Variants in AGPAT4 observed in about 807,000 individuals in gnomAD.
AGPAT4 encodes the protein 1-acylglycerol-3-phosphate O-acyltransferase 4.
Under a neutral mutation model 48.0 loss-of-function variants are expected in AGPAT4, and 15 were observed. The observed-to-expected ratio is 0.31, with a 90% CI of 0.21 to 0.48. The LOEUF (loss-of-function observed/expected upper bound fraction) is 0.48. Ranked by LOEUF, AGPAT4 falls within the 20% of genes least tolerant of loss-of-function variation. AGPAT4 has a pLI of 0.99. For missense variants in AGPAT4, 314 were observed against 482.5 expected (o/e 0.65, Z 3.27); for synonymous variants, 178 against 198.7 (o/e 0.90, Z 0.88).
chr6:161,157,729 AAAATATTAAG>A (rs2114970342), intron 3 of AGPAT4, among the ~76,000 whole-genome samples: 1 of 152,350 alleles, frequency 6.6e-6, no homozygotes, highest in African/African-American at 2.4e-5. Context: ...GAAACATGTT[AAAATATTAAG>A]GTAGAAGCTT....
rs1311524073 is a variant in AGPAT4, at chr6:161,159,798, C to A, written c.349-5488G>T. The stretch of plus-strand genomic sequence containing the variant: ...AGCTGGGATTACAGGCACCTGCCAC[C>A]GTGCCTGGCTAATTTTTTGTATTGT... On this transcript the variant is annotated intron_variant, in intron 3 of 8. Coordinates refer to ENST00000320285, the MANE Select transcript of AGPAT4 (RefSeq NM_020133.3). This position sits in a 1 kb window ranked among gnomAD's most constrained non-coding sequence, Gnocchi z 4.1. Among the ~76,000 whole-genome samples, 1 of 151,880 alleles carries A rather than the reference C, an allele frequency of 6.6e-6. No individual in the cohort carries two copies. Among genetic ancestry groups the A allele is most frequent in the African/African-American group, 2.4e-5 (1 of 41,332 alleles).
rs1781542122 is a variant in AGPAT4, at chr6:161,212,285, G to A, written c.178+19751C>T. ...GGAACATTAAGTCTCCTCTCTCAAA[G>A]AATGAAGATGTTTGCCTTTTTTGAA... is the stretch of plus-strand genomic sequence containing the variant. On this transcript the variant is annotated intron_variant, in intron 2 of 8. Coordinates refer to ENST00000320285, the MANE Select transcript of AGPAT4 (RefSeq NM_020133.3). The surrounding 1 kb of genome is among the most constrained non-coding windows in gnomAD (Gnocchi z 6.1). 6.6e-6 allele frequency among the ~76,000 whole-genome samples: 1 copy of A among 152,136 alleles called. No homozygotes were observed. The highest frequency in any genetic ancestry group is 2.4e-5 in the African/African-American group (1 of 41,428).
Position 161,240,261 on chromosome 6 carries a change from C to T in AGPAT4, c.-89-7959G>A, listed in dbSNP as rs1782448498. Among the ~76,000 whole-genome samples, 1 of 128,172 alleles carries T rather than the reference C, an allele frequency of 7.8e-6. No individual in the cohort carries two copies. The highest frequency in any genetic ancestry group is 2.9e-5 in the African/African-American group (1 of 34,906). The allele number at this position is 128,172 out of a possible 152,430, so 84.1% of individuals were successfully genotyped here. A position where few individuals can be genotyped will look rare whatever the true frequency, so the allele number is the denominator to read the frequency against. Reference sequence around the variant, plus strand: ...ACACACACACACACACACACACACACACACACTTAAACAAGTCTGTCCACC... The same window carrying T: ...ACACACACACACACACACACACACATACACACTTAAACAAGTCTGTCCACC... On this transcript the variant is annotated intron_variant, in intron 1 of 8. Transcript: ENST00000320285. This position sits in a 1 kb window ranked among gnomAD's most constrained non-coding sequence, Gnocchi z 5.5.
At chr6:161,203,609 G>A (rs1781303265) in intron 2 of AGPAT4, among the ~76,000 whole-genome samples, 1 of 151,864 alleles carries the variant, frequency 6.6e-6, no homozygotes, top group South Asian at 2.1e-4. Context: ...TGTTGACCAG[G>A]CTGGTCTCCA....
intron 2 of AGPAT4, among the ~76,000 whole-genome samples, chr6:161,179,185 T>C (rs1228933986): frequency 1.3e-5 from 2 of 152,216 alleles, no homozygotes; most frequent in African/African-American, 4.8e-5. Flanking sequence ...AGGAAAAAGA[T>C]GGCAACTAAA....
At chr6:161,191,845 C>T (rs1335238434) in intron 2 of AGPAT4, among the ~76,000 whole-genome samples, 1 of 152,152 alleles carries the variant, frequency 6.6e-6, no homozygotes, top group Non-Finnish European at 1.5e-5. Context: ...GCCATTGTTG[C>T]CTCAACAAGC....
Position 161,154,764 on chromosome 6 carries a change from C to T in AGPAT4, c.349-454G>A, listed in dbSNP as rs1002544025. Among the ~76,000 whole-genome samples, 5 of 152,336 alleles carry T rather than the reference C, an allele frequency of 3.3e-5. No individual in the cohort carries two copies. The highest frequency in any genetic ancestry group is 2.6e-4 in the Admixed American group (4 of 15,310). Reference sequence around the variant, plus strand: ...ATTACAAAATATAGTAATTCTTGATCGCTGAAAATGTCAAACGCTAGAAAA... The same window carrying T: ...ATTACAAAATATAGTAATTCTTGATTGCTGAAAATGTCAAACGCTAGAAAA... On this transcript the variant is annotated intron_variant, in intron 3 of 8. Coordinates refer to ENST00000320285, the MANE Select transcript of AGPAT4 (RefSeq NM_020133.3). The surrounding 1 kb of genome is among the most constrained non-coding windows in gnomAD (Gnocchi z 7.8).
chr6:161,194,841 AG>A (rs1218332169), intron 2 of AGPAT4, among the ~76,000 whole-genome samples: 1 of 152,146 alleles, frequency 6.6e-6, no homozygotes, highest in Non-Finnish European at 1.5e-5. Context: ...GTCACATTGC[AG>A]GAGCTCCTTA....
chr6:161,160,991 G>A (rs1285098169), intron 3 of AGPAT4: 1 of 456,528 alleles, frequency 2.2e-6, no homozygotes, highest in Admixed American at 2.3e-5. Context: ...ACAGGCAGAT[G>A]GGGCATCAGA....
In AGPAT4 at chr6:161,216,887, ACAATT is replaced by A. The variant is rs1321596064; in HGVS notation, c.178+15144_178+15148del. ...ACAATACGTGGGAATTCTGGGAGAT[ACAATT>A]CAAGTTGAGATTTCGGTGGGGACAC... is the stretch of plus-strand genomic sequence containing the variant. On this transcript the variant is annotated intron_variant, in intron 2 of 8. Coordinates refer to ENST00000320285, the MANE Select transcript of AGPAT4 (RefSeq NM_020133.3). This position sits in a 1 kb window ranked among gnomAD's most constrained non-coding sequence, Gnocchi z 4.8. 6.6e-6 allele frequency among the ~76,000 whole-genome samples: 1 copy of A among 152,188 alleles called. No homozygotes were observed. Among genetic ancestry groups the A allele is most frequent in the Admixed American group, 6.5e-5 (1 of 15,278 alleles).
At position 161,144,168 on chromosome 6, in the gene AGPAT4, C is replaced by A. The variant is rs753888265; in HGVS notation, c.843+2356G>T. The A allele has an allele frequency of 1.9e-6, 1 of 533,358 alleles. No homozygotes were observed. Among genetic ancestry groups the A allele is most frequent in the South Asian group, 1.4e-5 (1 of 71,548 alleles). 33.0% of individuals were successfully genotyped at this position (533,358 alleles called of 1,614,324 possible). Reference sequence around the variant, plus strand: ...GCTTGGAGAAACCATGCACCACTTCCACTTGCTGCTCAGCGATCTTCTCGG... The same window carrying A: ...GCTTGGAGAAACCATGCACCACTTCAACTTGCTGCTCAGCGATCTTCTCGG... On this transcript the variant is annotated intron_variant, in intron 7 of 8. Coordinates refer to ENST00000320285, the MANE Select transcript of AGPAT4 (RefSeq NM_020133.3). The surrounding 1 kb of genome is among the most constrained non-coding windows in gnomAD (Gnocchi z 6.6).
At chr6:161,263,585 TG>T (rs1783166954) in intron 1 of AGPAT4, among the ~76,000 whole-genome samples, 1 of 152,086 alleles carries the variant, frequency 6.6e-6, no homozygotes, top group Admixed American at 6.5e-5. Flanking sequence ...TGGCAAAAAT[TG>T]GAATGAATAT....
At chr6:161,188,380 G>A (rs1389255812) in intron 2 of AGPAT4, among the ~76,000 whole-genome samples, 1 of 152,164 alleles carries the variant, frequency 6.6e-6, no homozygotes, top group Non-Finnish European at 1.5e-5. Flanking sequence ...TATCAGACTT[G>A]TGATAAATTA....
rs980500193 is a variant in AGPAT4 at position 161,216,792 on chromosome 6, T to A, written c.178+15244A>T. ...ATAAACCCATCAGATCTCGTGAGAC[T>A]TACTATCACGAGACTAGCACGAGAA... is the stretch of plus-strand genomic sequence containing the variant. On this transcript the variant is annotated intron_variant, in intron 2 of 8. Coordinates refer to ENST00000320285, the MANE Select transcript of AGPAT4 (RefSeq NM_020133.3). This position sits in a 1 kb window ranked among gnomAD's most constrained non-coding sequence, Gnocchi z 4.8. Among the ~76,000 whole-genome samples, 1 of 152,108 alleles carries A rather than the reference T, an allele frequency of 6.6e-6. No individual in the cohort carries two copies. The highest frequency in any genetic ancestry group is 2.4e-5 in the African/African-American group (1 of 41,418).
chr6:161,180,576 T>C lies in AGPAT4; in HGVS notation c.179-14159A>G, dbSNP rs1451569782. Among the ~76,000 whole-genome samples the C allele has an allele frequency of 6.6e-6, 1 of 152,248 alleles. No homozygotes were observed. Among genetic ancestry groups the C allele is most frequent in the Non-Finnish European group, 1.5e-5 (1 of 68,046 alleles). On this transcript the variant is annotated intron_variant, in intron 2 of 8. Coordinates refer to ENST00000320285, the MANE Select transcript of AGPAT4 (RefSeq NM_020133.3). This position sits in a 1 kb window ranked among gnomAD's most constrained non-coding sequence, Gnocchi z 6.4. ...AATATGTATAATTATACATTTATAA[T>C]AACCTTTTATCATTTAGCTTTTAAC...
At position 161,219,917 on chromosome 6, in the gene AGPAT4, G is replaced by GGCAA. The variant is rs1418006841; in HGVS notation, c.178+12118_178+12119insTTGC. Among the ~76,000 whole-genome samples, 7 of 23,764 alleles carry GGCAA rather than the reference G, an allele frequency of 2.9e-4. No homozygotes were observed. The highest frequency in any genetic ancestry group is 6.5e-4 in the African/African-American group (7 of 10,758). 15.6% of individuals were successfully genotyped at this position (23,764 alleles called of 152,430 possible). ...CAGGCAGGCAGGCAGGCAGGCAGGC[G>GGCAA]GCAGGCAGGCAGGCAGGCAGGCAGG... On this transcript the variant is annotated intron_variant, in intron 2 of 8. Transcript: ENST00000320285. The surrounding 1 kb of genome is among the most constrained non-coding windows in gnomAD (Gnocchi z 4.9).
intron 5 of AGPAT4, among the ~76,000 whole-genome samples, chr6:161,151,512 G>C (rs901660668): frequency 3.9e-5 from 6 of 152,232 alleles, no homozygotes; most frequent in African/African-American, 1.4e-4. Flanking sequence ...TGCAAGCTGG[G>C]CAACCCCACC....
chr6:161,130,492 G>A lies in AGPAT4; in HGVS notation c.*6048C>T. 1 of 162,156 alleles carries A rather than the reference G, an allele frequency of 6.2e-6. No individual in the cohort carries two copies. Among genetic ancestry groups the A allele is most frequent in the Non-Finnish European group, 1.4e-5 (1 of 73,650 alleles). 10.0% of individuals were successfully genotyped at this position (162,156 alleles called of 1,614,324 possible). A position where few individuals can be genotyped will look rare whatever the true frequency, so the allele number is the denominator to read the frequency against. On this transcript the variant is annotated 3_prime_UTR_variant, in exon 9 of 9. Coordinates refer to ENST00000320285, the MANE Select transcript of AGPAT4 (RefSeq NM_020133.3). Reference sequence around the variant, plus strand: ...CTGTTTCCTCAAAGATCATCCCTTAGTGGGTCACAGTAATCATGAACCCTG... The same window carrying A: ...CTGTTTCCTCAAAGATCATCCCTTAATGGGTCACAGTAATCATGAACCCTG...
At chr6:161,152,917 G>T (rs1242018242) in intron 5 of AGPAT4, among the ~76,000 whole-genome samples, 1 of 152,234 alleles carries the variant, frequency 6.6e-6, no homozygotes, top group African/African-American at 2.4e-5. Context: ...TCTTCTTACC[G>T]ATGGCCATTT....
Sources: gnomAD v4.1 joint callset for allele counts (sites outside exome capture counted in the v4.1 genomes callset) on GRCh38, gnomAD v4.1.1 for gene constraint, Gnocchi (gnomAD v3.1) non-coding constraint, MANE v1.5 for transcripts, NCBI Gene and HGNC (gene_info 2026-07-23, HGNC 2026-07-21) for gene names.